Variants in CSMD1 observed in about 807,000 individuals in gnomAD.
CSMD1 encodes the protein CUB and sushi domain-containing protein 1.
CSMD1 carries 213 observed loss-of-function variants against 417.5 expected under a neutral mutation model. That is an observed-to-expected ratio of 0.51 (90% CI 0.46 to 0.57). The LOEUF (loss-of-function observed/expected upper bound fraction) is 0.57. Ranked by LOEUF, CSMD1 falls within the 20% of genes least tolerant of loss-of-function variation. CSMD1 has a pLI of 0.00. For missense variants in CSMD1, 6,923 were observed against 4,529.7 expected (o/e 1.53, Z -15.17); for synonymous variants, 2,862 against 1,736.8 (o/e 1.65, Z -16.11).
intron 8 of CSMD1, among the ~76,000 whole-genome samples, chr8:3,613,756 A>G (rs1257613140): frequency 1.3e-5 from 2 of 151,290 alleles, no homozygotes; most frequent in Non-Finnish European, 3.0e-5. Context: ...AATTACAAAC[A>G]GAAGGATACT....
chr8:4,231,609 A>C (rs1328235739), intron 3 of CSMD1, among the ~76,000 whole-genome samples: 1 of 152,162 alleles, frequency 6.6e-6, no homozygotes, highest in Non-Finnish European at 1.5e-5. Context: ...ATCCCCCAAC[A>C]AATGTTGAGT....
intron 1 of CSMD1, among the ~76,000 whole-genome samples, chr8:4,841,004 G>A (rs766761920): frequency 5.9e-5 from 9 of 152,180 alleles, no homozygotes; most frequent in Non-Finnish European, 8.8e-5. Flanking sequence ...TTAACTGAGC[G>A]TTTGCCGTCA....
At chr8:4,006,148 T>G (rs1236115141) in intron 4 of CSMD1, among the ~76,000 whole-genome samples, 2 of 152,182 alleles carry the variant, frequency 1.3e-5, no homozygotes, top group East Asian at 1.9e-4. Flanking sequence ...ACAGATGATT[T>G]ATGTACTGCA....
chr8:3,309,537 G>C (rs976406675), intron 23 of CSMD1, among the ~76,000 whole-genome samples: 1 of 152,120 alleles, frequency 6.6e-6, no homozygotes, highest in Non-Finnish European at 1.5e-5. Flanking sequence ...CCTTTTATGT[G>C]AGGCAATATT....
chr8:4,446,253 G>C (rs1012771829), intron 2 of CSMD1, among the ~76,000 whole-genome samples: 1 of 152,180 alleles, frequency 6.6e-6, no homozygotes, highest in Non-Finnish European at 1.5e-5. Flanking sequence ...AAGATCACTT[G>C]AAGAGTGGAC....
chr8:4,201,585 C>T (rs1394642204), intron 3 of CSMD1, among the ~76,000 whole-genome samples: 2 of 125,438 alleles, frequency 1.6e-5, no homozygotes, highest in East Asian at 2.3e-4. Context: ...AATCAGAAAA[C>T]GATATGCAAC....
chr8:3,795,965 G>GATATCTATCATGTACAGATATAGATAT lies in CSMD1; in HGVS notation c.819-41950_819-41924dup, dbSNP rs1563088715. Reference sequence around the variant, plus strand: ...TAGATATCTATCATGTACAGATATAGATATCTATCATGTACAGATATAGAT... The same window carrying GATATCTATCATGTACAGATATAGATAT: ...TAGATATCTATCATGTACAGATATAGATATCTATCATGTACAGATATAGATATATATCTATCATGTACAGATATAGAT... On this transcript the variant is annotated intron_variant, in intron 5 of 69. Coordinates refer to ENST00000635120, the MANE Select transcript of CSMD1 (RefSeq NM_033225.6). 1.5e-4 allele frequency among the ~76,000 whole-genome samples: 4 copies of GATATCTATCATGTACAGATATAGATAT among 26,102 alleles called. 1 individual carries two copies. Among genetic ancestry groups the GATATCTATCATGTACAGATATAGATAT allele is most frequent in the Admixed American group, 1.3e-3 (3 of 2,378 alleles). 17.1% of individuals were successfully genotyped at this position (26,102 alleles called of 152,430 possible).
intron 8 of CSMD1, among the ~76,000 whole-genome samples, chr8:3,589,216 G>C (rs749524397): frequency 1.3e-5 from 2 of 152,096 alleles, no homozygotes; most frequent in African/African-American, 2.4e-5. Flanking sequence ...ACTACTACAT[G>C]ATCTAGAATT....
At chr8:3,615,870 G>A (rs1360930421) in intron 8 of CSMD1, among the ~76,000 whole-genome samples, 2 of 151,890 alleles carry the variant, frequency 1.3e-5, no homozygotes, top group African/African-American at 2.4e-5. Context: ...CTTGTAAGAT[G>A]GAAAATGTTA....
intron 3 of CSMD1, among the ~76,000 whole-genome samples, chr8:4,310,930 T>C (rs551333634): frequency 6.6e-6 from 1 of 152,166 alleles, no homozygotes; most frequent in South Asian, 2.1e-4. Flanking sequence ...ATTAGAGAAA[T>C]GCAAATCAAA....
chr8:4,686,799 G>C (rs1806412495), intron 1 of CSMD1, among the ~76,000 whole-genome samples: 1 of 152,196 alleles, frequency 6.6e-6, no homozygotes, highest in Admixed American at 6.5e-5. Flanking sequence ...AGACCCATTT[G>C]AAAGGTTAGA....
Position 3,879,990 on chromosome 8 carries a change from T to G in CSMD1, c.818+117913A>C, listed in dbSNP as rs183582833. Among the ~76,000 whole-genome samples, 347 of 152,294 alleles carry G rather than the reference T, an allele frequency of 2.3e-3. 3 individuals carry two copies. Among genetic ancestry groups the G allele is most frequent in the African/African-American group, 7.6e-3 (317 of 41,570 alleles). ...GAATTGTATTAAGATGGACTGGTAA[T>G]TTTGATTCTGTACCGAAGTTACTGA... is the stretch of plus-strand genomic sequence containing the variant. On this transcript the variant is annotated intron_variant, in intron 5 of 69. Transcript: ENST00000635120.
chr8:3,552,585 T>C (rs900761581), intron 10 of CSMD1, among the ~76,000 whole-genome samples: 4 of 152,262 alleles, frequency 2.6e-5, no homozygotes, highest in African/African-American at 9.6e-5. Context: ...GTTATGCAAA[T>C]ATAAGGTATT....
chr8:4,750,808 T>C (rs890853218), intron 1 of CSMD1, among the ~76,000 whole-genome samples: 1 of 152,118 alleles, frequency 6.6e-6, no homozygotes, highest in African/African-American at 2.4e-5. Context: ...TGCTTTTTTA[T>C]GCTTGTTTCA....
At chr8:4,871,510 T>C (rs1163863874) in intron 1 of CSMD1, among the ~76,000 whole-genome samples, 1 of 152,140 alleles carries the variant, frequency 6.6e-6, no homozygotes, top group African/African-American at 2.4e-5. Context: ...TATCTGTAAA[T>C]GAATGGTCTC....
In CSMD1 at chr8:3,197,415, G is replaced by A. The variant is rs114810154; in HGVS notation, c.5194+2299C>T. Among the ~76,000 whole-genome samples the A allele has an allele frequency of 3.9e-3, 576 of 149,412 alleles. 2 individuals carry two copies. The highest frequency in any genetic ancestry group is 0.013 in the African/African-American group (518 of 40,438). ...TATGAATGAATGAAGCTGTAATGGT[G>A]TATGAAAGCACTGTTTAGAATATTT... On this transcript the variant is annotated intron_variant, in intron 33 of 69. Transcript: ENST00000635120.
At chr8:4,056,058 G>C (rs1401639108) in intron 3 of CSMD1, among the ~76,000 whole-genome samples, 2 of 136,854 alleles carry the variant, frequency 1.5e-5, no homozygotes, top group Non-Finnish European at 3.1e-5. Context: ...CTGAATCTCT[G>C]TTTGGATATT....
At chr8:4,138,438 T>A (rs185847522) in intron 3 of CSMD1, among the ~76,000 whole-genome samples, 107 of 152,058 alleles carry the variant, frequency 7.0e-4, no homozygotes, top group African/African-American at 2.1e-3. Context: ...ACACCTTCTA[T>A]CAAAAAAACA....
chr8:3,407,822 T>C, intron 14 of CSMD1, 77 bp downstream of exon 14: 1 of 1,261,812 alleles, frequency 7.9e-7, no homozygotes, highest in South Asian at 1.6e-5. Flanking sequence ...AAATGCAACT[T>C]CACATACATA....
Sources: gnomAD v4.1 joint callset for allele counts (sites outside exome capture counted in the v4.1 genomes callset) on GRCh38, gnomAD v4.1.1 for gene constraint, MANE v1.5 for transcripts, NCBI Gene and HGNC (gene_info 2026-07-23, HGNC 2026-07-21) for gene names.